Variants in ADRA1B observed in about 807,000 individuals in gnomAD.
ADRA1B encodes adrenoceptor alpha 1B.
Under a neutral mutation model 17.9 loss-of-function variants are expected in ADRA1B, and 17 were observed. The observed-to-expected ratio is 0.95, with a 90% CI of 0.65 to 1.42. The LOEUF is 1.42. Among genes scored for constraint, ADRA1B ranks in the 40% most tolerant of loss-of-function variants. The probability of loss-of-function intolerance (pLI) is 0.00; values close to 1 mark genes in which losing one functional copy is unlikely to be tolerated. For synonymous variants in ADRA1B, 366 were observed against 327.6 expected, an observed-to-expected ratio of 1.12 and a Z score of -1.27; for missense variants, 681 against 722.1, an observed-to-expected ratio of 0.94 and a Z score of 0.65.
chr5:159,940,092 AG>A (rs1368991029), intron 1 of ADRA1B, among the ~76,000 whole-genome samples: 1 of 152,232 alleles, frequency 6.6e-6, no homozygotes, highest in Non-Finnish European at 1.5e-5. Context: ...AGGAACTGTG[AG>A]GGTGGAAAAA....
the ADRA1B span, among the ~76,000 whole-genome samples, chr5:159,989,008 T>A: frequency 1.3e-5 from 2 of 152,228 alleles, no homozygotes; most frequent in African/African-American, 4.8e-5. Context: ...CTGCTTTCAA[T>A]TCTTTTGGAT....
rs1044212651 is a variant in ADRA1B at position 159,886,183 on chromosome 5, A to G, written c.-256+20977A>G. Among the ~76,000 whole-genome samples the G allele has an allele frequency of 2.0e-5, 3 of 152,310 alleles. No individual in the cohort carries two copies. The South Asian group carries it at 6.2e-4, about 32-fold the overall frequency. ...AGGAGCTAGTGTAGCCAGTGCCATCACCTTTAACCAAGGCATCCTTTCTCA... is the reference window on the plus strand; with the variant it reads ...AGGAGCTAGTGTAGCCAGTGCCATCGCCTTTAACCAAGGCATCCTTTCTCA... On this transcript the variant is annotated intron_variant, in intron 1 of 2. Coordinates refer to the ADRA1B transcript ENST00000641205.
At chr5:159,921,521 G>A (rs1183008561) in intron 1 of ADRA1B, among the ~76,000 whole-genome samples, 1 of 152,164 alleles carries the variant, frequency 6.6e-6, no homozygotes, top group African/African-American at 2.4e-5. Flanking sequence ...CAGCAGTGGG[G>A]GAAATTGGGG....
upstream of ADRA1B, among the ~76,000 whole-genome samples, chr5:159,914,897 T>G (rs1754264076): frequency 6.6e-6 from 1 of 152,222 alleles, no homozygotes; most frequent in Admixed American, 6.5e-5. Context: ...AATCTCCAGC[T>G]GCCACTGCCC....
chr5:159,924,408 G>A (rs1282278576), intron 1 of ADRA1B, among the ~76,000 whole-genome samples: 1 of 152,134 alleles, frequency 6.6e-6, no homozygotes, highest in Non-Finnish European at 1.5e-5. Flanking sequence ...TGGAATCACA[G>A]AAGACACCAT....
downstream of ADRA1B, among the ~76,000 whole-genome samples, chr5:159,976,135 G>A (rs1755971201): frequency 6.6e-6 from 1 of 152,186 alleles, no homozygotes; most frequent in Non-Finnish European, 1.5e-5. Context: ...GATCAAATGA[G>A]ATCATGAGGC....
In ADRA1B at chr5:159,901,916, C is replaced by G. The variant is rs139779458; in HGVS notation, c.-255-14203C>G. 4.9e-4 allele frequency among the ~76,000 whole-genome samples: 75 copies of G among 152,250 alleles called. 1 individual carries two copies. The East Asian group carries it at 0.013, about 27-fold the overall frequency. On this transcript the variant is annotated intron_variant, in intron 1 of 2. Transcript: ENST00000641205. ...CTGTTGGTGGGATTGTAAAGTGGAA[C>G]AGCTGCTATGGAAAATACTATAAAG...
chr5:159,876,662 C>T (rs1376441679), intron 1 of ADRA1B, among the ~76,000 whole-genome samples: 1 of 152,170 alleles, frequency 6.6e-6, no homozygotes, highest in East Asian at 1.9e-4. Context: ...GTATGGGCGA[C>T]ACATACCATT....
chr5:159,879,884 T>A (rs1753838842), intron 1 of ADRA1B, among the ~76,000 whole-genome samples: 1 of 152,084 alleles, frequency 6.6e-6, no homozygotes, highest in Non-Finnish European at 1.5e-5. Context: ...TAATCCCACC[T>A]ACTCATGAGG....
At chr5:159,947,883 G>T in intron 1 of ADRA1B, 1 of 985,388 alleles carries the variant, frequency 1.0e-6, no homozygotes, top group Non-Finnish European at 1.2e-6. Context: ...GCTTAACCAC[G>T]TTAACATCTC....
chr5:159,935,977 T>C (rs1448339744), intron 1 of ADRA1B, among the ~76,000 whole-genome samples: 1 of 152,232 alleles, frequency 6.6e-6, no homozygotes, highest in African/African-American at 2.4e-5. Flanking sequence ...TTCAGCAAAT[T>C]GCTCAACTCT....
At chr5:159,904,034 C>T (rs181644084) in intron 1 of ADRA1B, among the ~76,000 whole-genome samples, 101 of 152,248 alleles carry the variant, frequency 6.6e-4, no homozygotes, top group Non-Finnish European at 5.9e-4. Flanking sequence ...ATGTTAACAA[C>T]GATGTTCTCT....
chr5:159,939,149 A>G (rs546177066), intron 1 of ADRA1B, among the ~76,000 whole-genome samples: 108 of 152,166 alleles, frequency 7.1e-4, no homozygotes, highest in African/African-American at 2.5e-3. Flanking sequence ...GTCTTCTTCC[A>G]CTGTGATCTG....
intron 1 of ADRA1B, among the ~76,000 whole-genome samples, chr5:159,920,177 G>A (rs572331381): frequency 3.2e-4 from 49 of 152,310 alleles, no homozygotes; most frequent in African/African-American, 1.2e-3. Flanking sequence ...GTAGTCCACA[G>A]ACCAGGCTTT....
chr5:159,873,363 G>A (rs974230343), intron 1 of ADRA1B, among the ~76,000 whole-genome samples: 3 of 152,150 alleles, frequency 2.0e-5, no homozygotes, highest in Non-Finnish European at 2.9e-5. Flanking sequence ...CACTGAGTCC[G>A]CTGCTGCAAG....
At chr5:159,915,465 G>T (rs1754279273), upstream of ADRA1B, among the ~76,000 whole-genome samples, 2 of 151,920 alleles carry the variant, frequency 1.3e-5, no homozygotes, top group African/African-American at 4.8e-5. Context: ...TTCTTTCTTG[G>T]CCCATACTTT....
chr5:159,957,133 A>T (rs532347142), intron 1 of ADRA1B, among the ~76,000 whole-genome samples: 1 of 152,266 alleles, frequency 6.6e-6, no homozygotes, highest in East Asian at 1.9e-4. Flanking sequence ...TGGCCTCCCA[A>T]AGTGCTGGAA....
At position 159,962,378 on chromosome 5, in the gene ADRA1B, T is replaced by TGTGTGAGTGGTGCTGCCATCC. The variant is rs1250666222; in HGVS notation, c.950-9499_950-9498insGTGAGTGGTGCTGCCATCCGT. Among the ~76,000 whole-genome samples the TGTGTGAGTGGTGCTGCCATCC allele has an allele frequency of 4.1e-5, 6 of 147,080 alleles. No homozygotes were observed. The East Asian group carries it at 9.7e-4, about 24-fold the overall frequency. On this transcript the variant is annotated intron_variant, in intron 1 of 1. Transcript: ENST00000306675. ...GGGACCTCAGACTGGTGCTGCCATC[T>TGTGTGAGTGGTGCTGCCATCC]GTCTGAGTGGTGCTGCCATCCGTCT... is the stretch of plus-strand genomic sequence containing the variant.
intron 1 of ADRA1B, among the ~76,000 whole-genome samples, chr5:159,877,209 T>C (rs989320127): frequency 5.3e-5 from 8 of 152,100 alleles, no homozygotes; most frequent in Non-Finnish European, 7.3e-5. Context: ...AAATAAAGTT[T>C]CAGCTCCCGG....
Sources: gnomAD v4.1 joint callset for allele counts (sites outside exome capture counted in the v4.1 genomes callset) on GRCh38, gnomAD v4.1.1 for gene constraint, MANE v1.5 for transcripts, NCBI Gene and HGNC (gene_info 2026-07-23, HGNC 2026-07-21) for gene names.